PRKN: variants seen among roughly 807,000 people sequenced by gnomAD.
The protein encoded by PRKN is E3 ubiquitin-protein ligase parkin.
PRKN carries 56 observed loss-of-function variants against 59.5 expected under a neutral mutation model. The ratio of observed to expected loss-of-function variants is 0.94; its 90% confidence interval spans 0.76 to 1.18. PRKN has a LOEUF of 1.18. Ranked by LOEUF, PRKN falls within the 50% of genes most tolerant of loss-of-function variation. The pLI, the probability that PRKN is intolerant of heterozygous loss-of-function variation, is 0.00. For synonymous variants in PRKN, 250 were observed against 222.1 expected, an observed-to-expected ratio of 1.13 and a Z score of -1.12; for missense variants, 657 against 596.4, an observed-to-expected ratio of 1.10 and a Z score of -1.06.
chr6:161,531,298 G>C (rs1972186), intron 9 of PRKN, among the ~76,000 whole-genome samples: 2 of 151,232 alleles, frequency 1.3e-5, no homozygotes, highest in Admixed American at 1.3e-4. Flanking sequence ...GGAGAATGGC[G>C]TGAACCCGGG....
intron 7 of PRKN, among the ~76,000 whole-genome samples, chr6:161,761,191 A>C (rs1252496456): frequency 2.6e-5 from 4 of 152,210 alleles, no homozygotes; most frequent in Non-Finnish European, 5.9e-5. Flanking sequence ...GCCTTGAATA[A>C]ATCAATTCTT....
intron 3 of PRKN, among the ~76,000 whole-genome samples, chr6:162,232,158 G>T (rs1778451491): frequency 6.6e-6 from 1 of 152,126 alleles, no homozygotes; most frequent in African/African-American, 2.4e-5. Flanking sequence ...GGGTATGTAG[G>T]GTATGAGCAG....
At chr6:161,681,927 C>G (rs1785380325) in intron 7 of PRKN, among the ~76,000 whole-genome samples, 1 of 152,258 alleles carries the variant, frequency 6.6e-6, no homozygotes, top group Non-Finnish European at 1.5e-5. Context: ...AGGGCTCCTG[C>G]AGATAGACCA....
At chr6:162,212,323 A>G (rs1181814733) in intron 3 of PRKN, among the ~76,000 whole-genome samples, 1 of 151,792 alleles carries the variant, frequency 6.6e-6, no homozygotes, top group African/African-American at 2.4e-5. Context: ...CAGTGGTCTC[A>G]CTTCTATTCC....
intron 7 of PRKN, among the ~76,000 whole-genome samples, chr6:161,746,424 C>T (rs143999652): frequency 0.01 from 1,539 of 151,786 alleles, 13 homozygotes; most frequent in Middle Eastern, 0.038. Flanking sequence ...CAGAATCCCC[C>T]CAGCTGTTAT....
intron 7 of PRKN, among the ~76,000 whole-genome samples, chr6:161,723,509 C>T (rs1338446991): frequency 1.3e-5 from 2 of 152,104 alleles, no homozygotes; most frequent in Non-Finnish European, 2.9e-5. Context: ...TTTTGGCTTT[C>T]TGGCTCCTGT....
At chr6:162,312,907 A>G (rs73024766) in intron 2 of PRKN, among the ~76,000 whole-genome samples, 4,419 of 152,196 alleles carry the variant, frequency 0.029, 97 homozygotes, top group East Asian at 0.072. Flanking sequence ...TAGCATCTAC[A>G]TTATCTTTAA....
intron 1 of PRKN, among the ~76,000 whole-genome samples, chr6:162,533,225 AAAGT>A (rs1287324538): frequency 6.6e-6 from 1 of 152,214 alleles, no homozygotes; most frequent in African/African-American, 2.4e-5. Context: ...AATCAGTTTT[AAAGT>A]AAATACATTT....
At chr6:162,447,560 T>C (rs963875894) in intron 1 of PRKN, among the ~76,000 whole-genome samples, 1 of 152,152 alleles carries the variant, frequency 6.6e-6, no homozygotes, top group East Asian at 1.9e-4. Flanking sequence ...TTTTTTATGA[T>C]ATCCCTAACC....
At position 161,360,528 on chromosome 6, in the gene PRKN, A is replaced by G. The variant is rs1377484407; in HGVS notation, c.1168-323T>C. On this transcript the variant is annotated intron_variant, in intron 10 of 11. Coordinates refer to ENST00000366898, the MANE Select transcript of PRKN (RefSeq NM_004562.3). The surrounding 1 kb of genome is among the most constrained non-coding windows in gnomAD (Gnocchi z 5.1). ...ATGCAGGCAAGGTGATCAATGCTCA[A>G]ATACACTTCTCATTAGACACTTCAT... Among the ~76,000 whole-genome samples, 3 of 152,208 alleles carry G rather than the reference A, an allele frequency of 2.0e-5. No homozygotes were observed. The highest frequency in any genetic ancestry group is 6.5e-5 in the Admixed American group (1 of 15,270).
intron 5 of PRKN, among the ~76,000 whole-genome samples, chr6:162,042,806 T>C (rs1478274695): frequency 1.3e-5 from 2 of 152,212 alleles, no homozygotes; most frequent in South Asian, 2.1e-4. Context: ...ATGGCACTTA[T>C]AATTCTTGTG....
intron 1 of PRKN, among the ~76,000 whole-genome samples, chr6:162,670,531 T>G (rs1340280081): frequency 6.6e-6 from 1 of 152,200 alleles, no homozygotes; most frequent in Non-Finnish European, 1.5e-5. Flanking sequence ...TCTTTATCTA[T>G]GCTGGCGCTA....
chr6:161,374,066 C>T (rs1785549939), intron 10 of PRKN, among the ~76,000 whole-genome samples: 1 of 152,154 alleles, frequency 6.6e-6, no homozygotes, highest in Non-Finnish European at 1.5e-5. Context: ...GCATCAGAGG[C>T]GCACTGCAGC....
intron 10 of PRKN, among the ~76,000 whole-genome samples, chr6:161,382,270 G>A (rs73605100): frequency 0.014 from 2,136 of 152,252 alleles, 52 homozygotes; most frequent in African/African-American, 0.048. Flanking sequence ...AGTGGGGAGG[G>A]CAGATGGCTT....
intron 1 of PRKN, among the ~76,000 whole-genome samples, chr6:162,670,138 C>T (rs1779264038): frequency 6.6e-6 from 1 of 152,118 alleles, no homozygotes; most frequent in Non-Finnish European, 1.5e-5. Flanking sequence ...TGCAAGTACA[C>T]ACTCAGAACT....
chr6:162,569,839 GC>G lies in PRKN; in HGVS notation c.8-126367del, dbSNP rs1441816953. 5 of 405,096 alleles carry G rather than the reference GC, an allele frequency of 1.2e-5. No homozygotes were observed. In the Admixed American group the frequency reaches 1.9e-4, roughly 15 times the overall value. The allele number at this position is 405,096 out of a possible 1,614,324, so 25.1% of individuals were successfully genotyped here. ...GAATGGGAGACCCACCTGAGGCTCA[GC>G]CCTAGCCCTCAGCCCACCCACGGGG... On this transcript the variant is annotated intron_variant, in intron 1 of 11. Transcript: ENST00000366898.
chr6:162,422,720 G>A (rs550253638), intron 2 of PRKN, among the ~76,000 whole-genome samples: 9 of 152,108 alleles, frequency 5.9e-5, no homozygotes, highest in South Asian at 2.1e-4. Context: ...TGAGGCGGGC[G>A]GATTGCCTGA....
intron 3 of PRKN, among the ~76,000 whole-genome samples, chr6:162,261,396 A>G (rs577340313): frequency 6.6e-6 from 1 of 152,076 alleles, no homozygotes; most frequent in Admixed American, 6.6e-5. Flanking sequence ...TCAAGGTGGA[A>G]TTTTCCATTG....
chr6:161,382,605 G>A (rs1026862319), intron 10 of PRKN, among the ~76,000 whole-genome samples: 18 of 152,156 alleles, frequency 1.2e-4, no homozygotes, highest in Admixed American at 4.6e-4. Flanking sequence ...GGAAGGAACT[G>A]GAACACGGGG....
Sources: allele counts gnomAD v4.1 joint callset (sites outside exome capture counted in the v4.1 genomes callset), GRCh38; gene constraint gnomAD v4.1.1; non-coding constraint Gnocchi (gnomAD v3.1); transcripts MANE v1.5; gene names NCBI Gene and HGNC (gene_info 2026-07-23, HGNC 2026-07-21).